The following TNRC6B variants were observed in gnomAD, a reference collection of about 807,000 sequenced individuals.
TNRC6B encodes the protein trinucleotide repeat containing adaptor 6B, also known as trinucleotide repeat-containing gene 6B protein.
Under a neutral mutation model 203.6 loss-of-function variants are expected in TNRC6B, and 52 were observed. The observed-to-expected ratio is 0.26, with a 90% CI of 0.20 to 0.32. TNRC6B has a LOEUF of 0.32. TNRC6B is among the 10% of genes least tolerant of loss of function. The pLI is 1.00. For synonymous variants in TNRC6B, 838 were observed against 845.7 expected (o/e 0.99, Z 0.16); for missense variants, 1,923 against 2,286.2 (o/e 0.84, Z 3.24).
chr22:40,204,421 C>G (rs1292840593), intron 1 of TNRC6B, among the ~76,000 whole-genome samples: 2 of 152,172 alleles, frequency 1.3e-5, no homozygotes, highest in African/African-American at 4.8e-5. Flanking sequence ...AGATTCATCC[C>G]CTGCCACTCT....
chr22:40,285,721 CT>C lies in TNRC6B; in HGVS notation c.3661del (p.Ser1221LeufsTer30). 1 of 1,614,012 alleles carries C rather than the reference CT, an allele frequency of 6.2e-7. No homozygotes were observed. The highest frequency in any genetic ancestry group is 8.5e-7 in the Non-Finnish European group (1 of 1,179,900). On this transcript the variant is annotated frameshift_variant, in exon 12 of 23. Coordinates refer to ENST00000454349, the MANE Select transcript of TNRC6B (RefSeq NM_001162501.2). LOFTEE classifies it high-confidence loss of function. ...GLHTPVQPLN[S>X]SPSLRAQVPP... ...CACACACCCGTGCAGCCACTAAATT[CT>C]TCTCCCAGTCTCCGGGCGCAAGTGC...
intron 5 of TNRC6B, among the ~76,000 whole-genome samples, chr22:40,269,351 C>T (rs1249427674): frequency 6.6e-6 from 1 of 151,764 alleles, no homozygotes; most frequent in Non-Finnish European, 1.5e-5. Flanking sequence ...TCTGGCTAGT[C>T]TTGAACTCCT....
At chr22:40,211,116 T>G (rs943239851) in intron 1 of TNRC6B, among the ~76,000 whole-genome samples, 1 of 19,242 alleles carries the variant, frequency 5.2e-5, no homozygotes, top group African/African-American at 2.1e-3. Flanking sequence ...CTTCTTCATC[T>G]TCTTCTTCTT....
At chr22:40,235,325 G>A (rs1418287336) in intron 1 of TNRC6B, among the ~76,000 whole-genome samples, 1 of 152,098 alleles carries the variant, frequency 6.6e-6, no homozygotes, top group Non-Finnish European at 1.5e-5. Flanking sequence ...GAGGCTGAGG[G>A]TCAGGTGACG....
At chr22:40,320,198 T>TGGGATC (rs2071316647) in intron 21 of TNRC6B, among the ~76,000 whole-genome samples, 1 of 152,144 alleles carries the variant, frequency 6.6e-6, no homozygotes, top group Admixed American at 6.5e-5. Context: ...AAGATCTTGA[T>TGGGATC]GGGACAGGCG....
chr22:40,304,349 G>C (rs143041697), intron 15 of TNRC6B, among the ~76,000 whole-genome samples: 1 of 152,080 alleles, frequency 6.6e-6, no homozygotes, highest in East Asian at 1.9e-4. Flanking sequence ...GGTTGAGTGC[G>C]TGGCTCATGC....
At chr22:40,206,888 T>C (rs2069485960) in intron 1 of TNRC6B, among the ~76,000 whole-genome samples, 1 of 152,140 alleles carries the variant, frequency 6.6e-6, no homozygotes, top group Admixed American at 6.5e-5. Flanking sequence ...ATTGCGTTAG[T>C]CTCTTAGGGC....
rs377411271 is a variant in TNRC6B, at chr22:40,067,320, T to G, written c.-121+22322T>G. On this transcript the variant is annotated intron_variant, in intron 1 of 23. Transcript: ENST00000301923. ...TGAATTCCAGTAGCATGAGCGCATA[T>G]CTGTATTTGTCTTGTACTGTGGGAA... Among the ~76,000 whole-genome samples the G allele has an allele frequency of 1.1e-4, 17 of 152,224 alleles. No individual in the cohort carries two copies. In the East Asian group the frequency reaches 2.1e-3, roughly 19 times the overall value.
intron 1 of TNRC6B, among the ~76,000 whole-genome samples, chr22:40,199,887 T>A (rs533611174): frequency 6.6e-6 from 1 of 152,058 alleles, no homozygotes; most frequent in East Asian, 1.9e-4. Context: ...ACCTCCGCCT[T>A]CTGGGTTCAA....
intron 1 of TNRC6B, among the ~76,000 whole-genome samples, chr22:40,222,566 C>T (rs951312858): frequency 1.3e-5 from 2 of 152,008 alleles, no homozygotes; most frequent in Admixed American, 6.6e-5. Context: ...CTTCCAGATC[C>T]GTATCTTGTT....
At chr22:40,132,969 A>AATATATATATATATATATATAT (rs1166468730) in intron 3 of TNRC6B, among the ~76,000 whole-genome samples, 12 of 78,114 alleles carry the variant, frequency 1.5e-4, no homozygotes, top group Non-Finnish European at 2.6e-4. Context: ...AAAAAAAAAA[A>AATATATATATATATATATATAT]ATATATATAT....
chr22:40,313,130 A>G, intron 19 of TNRC6B, 133 bp downstream of exon 19: 1 of 675,614 alleles, frequency 1.5e-6, no homozygotes. Context: ...GTATAGATGG[A>G]AGCACATCTT....
chr22:40,086,441 G>C (rs1042940637), intron 1 of TNRC6B, among the ~76,000 whole-genome samples: 1 of 152,190 alleles, frequency 6.6e-6, no homozygotes, highest in African/African-American at 2.4e-5. Context: ...AGTGAGAGGA[G>C]CCCCTTCAAG....
chr22:40,125,479 C>T (rs538527266), intron 2 of TNRC6B, among the ~76,000 whole-genome samples: 71 of 152,250 alleles, frequency 4.7e-4, no homozygotes, highest in African/African-American at 1.7e-3. Flanking sequence ...ACCACCTCTG[C>T]CAAAAGCCAA....
At position 40,326,019 on chromosome 22, in the gene TNRC6B, A is replaced by T. The variant is rs1031765914; in HGVS notation, c.*2778A>T. 2 of 152,424 alleles carry T rather than the reference A, an allele frequency of 1.3e-5. No homozygotes were observed. The highest frequency in any genetic ancestry group is 4.8e-5 in the African/African-American group (2 of 41,376). The allele number at this position is 152,424 out of a possible 1,614,324, so 9.4% of individuals were successfully genotyped here. ...TCATAAGCTTAAAGGGAAAAAAACT[A>T]AAAACTTTAAAAAAAAAAGACCAAA... On this transcript the variant is annotated 3_prime_UTR_variant, in exon 23 of 23. Transcript: ENST00000454349.
At chr22:40,075,156 A>ATATATATATATATTTT in intron 1 of TNRC6B, among the ~76,000 whole-genome samples, 1 of 35,558 alleles carries the variant, frequency 2.8e-5, no homozygotes, top group Non-Finnish European at 5.2e-5. Context: ...ATATATATAT[A>ATATATATATATATTTT]TTTTTTTTTT....
At chr22:40,165,812 C>G (rs950973554) in intron 4 of TNRC6B, among the ~76,000 whole-genome samples, 1 of 152,130 alleles carries the variant, frequency 6.6e-6, no homozygotes, top group Non-Finnish European at 1.5e-5. Flanking sequence ...ATCACAAGAA[C>G]AGCATGAGAG....
At chr22:40,106,578 T>G in intron 1 of TNRC6B, 1 of 728,540 alleles carries the variant, frequency 1.4e-6, no homozygotes, top group South Asian at 1.4e-5. Context: ...CGCTTCTTAC[T>G]GAATTCTCCA....
chr22:40,137,619 C>T (rs2068610756), intron 3 of TNRC6B, among the ~76,000 whole-genome samples: 1 of 152,076 alleles, frequency 6.6e-6, no homozygotes, highest in Non-Finnish European at 1.5e-5. Flanking sequence ...AAGCAGAACC[C>T]CTGCAGGCAA....
Sources: allele counts gnomAD v4.1 joint callset (sites outside exome capture counted in the v4.1 genomes callset), GRCh38; gene constraint gnomAD v4.1.1; transcripts MANE v1.5; gene names NCBI Gene and HGNC (gene_info 2026-07-23, HGNC 2026-07-21).